The following ESPNL variants were observed in gnomAD, a reference collection of about 807,000 sequenced individuals.
ESPNL encodes the protein espin-like protein.
Under a neutral mutation model 46.8 loss-of-function variants are expected in ESPNL, and 49 were observed. That is an observed-to-expected ratio of 1.05 (90% confidence interval 0.83 to 1.33). ESPNL has a LOEUF of 1.33. Among genes scored for constraint, ESPNL ranks in the 40% most tolerant of loss-of-function variants. The probability of loss-of-function intolerance (pLI) is 0.00; values close to 1 mark genes in which losing one functional copy is unlikely to be tolerated. For synonymous variants in ESPNL, 664 were observed against 662.1 expected, an observed-to-expected ratio of 1.00 and a Z score of -0.04; for missense variants, 1,540 against 1,436.6, an observed-to-expected ratio of 1.07 and a Z score of -1.16.
chr2:238,103,660 AC>A (rs1262368826), intron 2 of ESPNL, among the ~76,000 whole-genome samples: 1 of 152,126 alleles, frequency 6.6e-6, no homozygotes, highest in African/African-American at 2.4e-5. Flanking sequence ...ACCTGTTCCA[AC>A]CCTGGATGCA....
At chr2:238,125,224 A>C in intron 5 of ESPNL, 46 bp from the exon 6 acceptor site, 1 of 901,378 alleles carries the variant, frequency 1.1e-6, no homozygotes, top group Non-Finnish European at 1.6e-6. Flanking sequence ...GTGAGCAGGG[A>C]AGAGCCCACG....
At chr2:238,125,149 C>T (rs1180118279) in intron 5 of ESPNL, 121 bp from the exon 6 acceptor site, 1 of 532,532 alleles carries the variant, frequency 1.9e-6, no homozygotes, top group African/African-American at 2.0e-5. Flanking sequence ...CTTACCTGTC[C>T]CAGCCCTTCT....
At chr2:238,118,052 G>T (rs1396342532) in intron 5 of ESPNL, among the ~76,000 whole-genome samples, 2 of 149,528 alleles carry the variant, frequency 1.3e-5, no homozygotes, top group Non-Finnish European at 3.0e-5. Flanking sequence ...ATGGAGGAGG[G>T]TGAATGGAGG....
intron 4 of ESPNL, among the ~76,000 whole-genome samples, chr2:238,108,419 G>T (rs1691647174): frequency 1.3e-5 from 2 of 152,172 alleles, no homozygotes; most frequent in Admixed American, 6.5e-5. Flanking sequence ...GGCAGGGATG[G>T]TATTCAAATG....
chr2:238,103,079 A>T (rs1285660594), intron 2 of ESPNL, among the ~76,000 whole-genome samples: 1 of 152,180 alleles, frequency 6.6e-6, no homozygotes, highest in Non-Finnish European at 1.5e-5. Context: ...GGCTGGCCAC[A>T]GTCTCTCTCA....
At chr2:238,109,199 TAAGTGGCCCCTGGCCA>T (rs1410000799) in intron 4 of ESPNL, among the ~76,000 whole-genome samples, 12 of 151,368 alleles carry the variant, frequency 7.9e-5, no homozygotes, top group Admixed American at 5.9e-4. Context: ...TCAGAAGGGG[TAAGTGGCCCCTGGCCA>T]GGGGTTTTTA....
chr2:238,131,324 G>A lies in ESPNL; in HGVS notation c.2610G>A (p.Leu870=), dbSNP rs530462944. Residue 870 remains leucine (L), a synonymous_variant, in exon 9 of 9, where the codon CTG becomes CTA. Coordinates refer to ENST00000343063, the MANE Select transcript of ESPNL (RefSeq NM_194312.4). The stretch of plus-strand genomic sequence containing the variant: ...ACTTCCAGCTGCTGGAGTGCGACCT[G>A]CCGGCGGAGGAGCGGAAGCTGCGCC... ...LGYFQLLECD[L]PAEERKLRHL... The A allele has an allele frequency of 1.9e-6, 3 of 1,587,802 alleles. No individual in the cohort carries two copies. The South Asian group carries it at 3.4e-5, about 18-fold the overall frequency.
rs1692304107 is a variant in ESPNL, at chr2:238,130,826, G to A, written c.2112G>A (p.Arg704=). Reference sequence around the variant, plus strand: ...GTGGCCTGGCTTCAGGGGAGCCCAGGCCTGGCGACACAGAGGAGGCCAGCG... The same window carrying A: ...GTGGCCTGGCTTCAGGGGAGCCCAGACCTGGCGACACAGAGGAGGCCAGCG... ...PRSGLASGEP[R]PGDTEEASDS... Residue 704 remains arginine, a synonymous_variant, in exon 9 of 9, where the codon AGG becomes AGA. Transcript: ENST00000343063. The A allele has an allele frequency of 1.3e-6, 2 of 1,547,202 alleles. No homozygotes were observed. Among genetic ancestry groups the A allele is most frequent in the Non-Finnish European group, 1.7e-6 (2 of 1,149,252 alleles).
chr2:238,104,824 C>T lies in ESPNL; in HGVS notation c.654C>T (p.Tyr218=), dbSNP rs753063217. The T allele has an allele frequency of 1.3e-6, 2 of 1,532,450 alleles. No homozygotes were observed. The highest frequency in any genetic ancestry group is 2.7e-5 in the African/African-American group (2 of 72,910). 94.9% of individuals were successfully genotyped at this position (1,532,450 alleles called of 1,614,324 possible). A position where few individuals can be genotyped will look rare whatever the true frequency, so the allele number is the denominator to read the frequency against. ...ALHAAAARGH[Y]SLVVWLVTFT... is the part of the protein sequence containing the mutation. ...ACGCTGCCGCCGCCCGTGGCCACTACTCCCTCGTCGTCTGGCTGGTAAGTG... is the reference window on the plus strand; with the variant it reads ...ACGCTGCCGCCGCCCGTGGCCACTATTCCCTCGTCGTCTGGCTGGTAAGTG... The change falls in exon 3 of 9, where the codon TAC becomes TAT. Residue 218 remains tyrosine, a synonymous_variant. Coordinates refer to ENST00000343063, the MANE Select transcript of ESPNL (RefSeq NM_194312.4).
chr2:238,107,198 C>G (rs1691615459), intron 3 of ESPNL, among the ~76,000 whole-genome samples: 1 of 152,218 alleles, frequency 6.6e-6, no homozygotes, highest in South Asian at 2.1e-4. Flanking sequence ...GGACTGTCAC[C>G]TGGCTGGTGC....
In ESPNL at chr2:238,104,691, C is replaced by T. The variant is rs754101349; in HGVS notation, c.521C>T (p.Pro174Leu). ...CGGCGGACACGCAGTGGCGCCTCCC[C>T]ACTCTACCTGGCCTGCCAGGAGGGC... ...VNRRTRSGAS[P>L]LYLACQEGHL... Residue 174 changes from proline to leucine, a missense_variant, in exon 3 of 9, where the codon CCA becomes CTA. Pro to Leu is a moderately conservative substitution (Grantham distance 98). Coordinates refer to ENST00000343063, the MANE Select transcript of ESPNL (RefSeq NM_194312.4). The T allele has an allele frequency of 3.7e-6, 6 of 1,604,550 alleles. No individual in the cohort carries two copies. The African/African-American group carries it at 4.0e-5, about 11-fold the overall frequency.
chr2:238,122,813 C>T (rs542972144), intron 5 of ESPNL, among the ~76,000 whole-genome samples: 57 of 152,334 alleles, frequency 3.7e-4, no homozygotes, highest in African/African-American at 1.3e-3. Context: ...GGTGGCCTTG[C>T]TGTTGAGGGG....
intron 1 of ESPNL, among the ~76,000 whole-genome samples, chr2:238,101,513 T>C (rs906520463): frequency 6.6e-6 from 1 of 152,118 alleles, no homozygotes; most frequent in African/African-American, 2.4e-5. Context: ...CCCTGACACC[T>C]GTGGTAGGAA....
intron 3 of ESPNL, among the ~76,000 whole-genome samples, chr2:238,106,021 G>T (rs10199495): frequency 0.11 from 16,887 of 152,104 alleles, 1,231 homozygotes; most frequent in African/African-American, 0.2. Context: ...GCTGGTTTAT[G>T]GGGGGAGCCG....
chr2:238,127,714 A>T lies in ESPNL; in HGVS notation c.1195A>T (p.Ser399Cys). Residue 399 changes from serine to cysteine, a missense_variant, in exon 7 of 9, where the codon AGT (serine) becomes TGT (cysteine). Ser to Cys is a moderately radical substitution (Grantham distance 112, BLOSUM62 -1). Transcript: ENST00000343063. The part of the protein sequence containing the change: ...TSPAPPRIIT[S>C]ATADPEGTET... ...CCCGGCCCCTCCGAGGATCATCACC[A>T]GTGCCACGGCTGACCCCGAGGTTCG... 1.2e-6 allele frequency: 2 copies of T among 1,611,598 alleles called. No homozygotes were observed. The highest frequency in any genetic ancestry group is 1.1e-5 in the South Asian group (1 of 90,458).
chr2:238,122,791 C>T (rs1365548644), intron 5 of ESPNL, among the ~76,000 whole-genome samples: 5 of 152,296 alleles, frequency 3.3e-5, no homozygotes, highest in East Asian at 1.9e-4. Context: ...GGGGACAGTG[C>T]GGGGGCATTG....
chr2:238,106,252 AG>A (rs1385446305), intron 3 of ESPNL, among the ~76,000 whole-genome samples: 1 of 149,150 alleles, frequency 6.7e-6, no homozygotes. Context: ...GGGCAAGTGA[AG>A]GAACAGGGGG....
rs546891616 is a variant in ESPNL, at chr2:238,101,268, C to G, written c.294+555C>G. Among the ~76,000 whole-genome samples the G allele has an allele frequency of 3.1e-3, 375 of 122,580 alleles. 2 individuals are homozygous for G. Among genetic ancestry groups the G allele is most frequent in the Non-Finnish European group, 4.8e-3 (299 of 62,402 alleles). 80.4% of individuals were successfully genotyped at this position (122,580 alleles called of 152,430 possible). ...GCTGAGGGTGAGCAGGACTGACCGG[C>G]CTTAGAACGCCGCCGCCCAGAGGTC... On this transcript the variant is annotated intron_variant, in intron 1 of 8. Coordinates refer to ENST00000343063, the MANE Select transcript of ESPNL (RefSeq NM_194312.4).
At chr2:238,111,493 A>T (rs558657944) in intron 4 of ESPNL, among the ~76,000 whole-genome samples, 1 of 152,122 alleles carries the variant, frequency 6.6e-6, no homozygotes, top group Non-Finnish European at 1.5e-5. Context: ...TCTGTTTTTT[A>T]TGAACTTGAT....
Sources: gnomAD v4.1 joint callset for allele counts (sites outside exome capture counted in the v4.1 genomes callset) on GRCh38, gnomAD v4.1.1 for gene constraint, MANE v1.5 for transcripts, NCBI Gene and HGNC (gene_info 2026-07-23, HGNC 2026-07-21) for gene names.